Variants in PARP10 observed in about 807,000 individuals in gnomAD.
The protein encoded by PARP10 is poly(ADP-ribose) polymerase family member 10.
A neutral mutation model predicts 82.4 loss-of-function variants in PARP10; 56 were observed. That is an observed-to-expected ratio of 0.68 (90% CI 0.55 to 0.85). The LOEUF (loss-of-function observed/expected upper bound fraction) is 0.85, where lower values mean the gene tolerates loss of function less well. Ranked by LOEUF, PARP10 falls within the 40% of genes least tolerant of loss-of-function variation. The pLI is 0.00. For synonymous variants in PARP10, 576 were observed against 601.1 expected (o/e 0.96, Z 0.61); for missense variants, 1,227 against 1,379.4 (o/e 0.89, Z 1.75).
At chr8:144,000,442 A>G (rs1554751611) in intron 1 of PARP10, among the ~76,000 whole-genome samples, 2 of 152,208 alleles carry the variant, frequency 1.3e-5, no homozygotes, top group Non-Finnish European at 1.5e-5. Flanking sequence ...GGCCCTGCAG[A>G]CACCTTGATC....
chr8:144,001,671 A>C (rs1268491856), intron 1 of PARP10, among the ~76,000 whole-genome samples: 2 of 152,158 alleles, frequency 1.3e-5, no homozygotes, highest in Non-Finnish European at 2.9e-5. Context: ...ACGCCATTGC[A>C]CACCAGCCTG....
chr8:143,992,802 C>T (rs1554750821), upstream of PARP10: 8 of 1,613,710 alleles, frequency 5.0e-6, no homozygotes, highest in Admixed American at 3.3e-5. Flanking sequence ...TCAACATCTT[C>T]CTGTACATCC....
chr8:143,989,860 A>T (rs2133059691), upstream of PARP10: 1 of 152,396 alleles, frequency 6.6e-6, no homozygotes, highest in Non-Finnish European at 1.5e-5. This position sits in a 1 kb window ranked among gnomAD's most constrained non-coding sequence, Gnocchi z 4.3. Context: ...AATTGGCCAG[A>T]CCAGACTTCT....
Position 143,985,598 on chromosome 8 carries a change from AG to A in PARP10, c.486del (p.Leu163TrpfsTer79), listed in dbSNP as rs782603426. 1.2e-6 allele frequency: 2 copies of A among 1,613,934 alleles called. No individual in the cohort carries two copies. The highest frequency in any genetic ancestry group is 3.3e-5 in the Admixed American group (2 of 60,026). ...EQAQNLGLEG[T>X]LVSLARVPQA... ...TGGGGAACCCGGGCCAGGGACACCAAGGTCCCCTCCAGGCCCAGATTCTGGG... is the reference window on the plus strand; with the variant it reads ...TGGGGAACCCGGGCCAGGGACACCAAGTCCCCTCCAGGCCCAGATTCTGGG... On this transcript the variant is annotated frameshift_variant, in exon 4 of 11. Transcript: ENST00000313028. LOFTEE classifies it high-confidence loss of function.
chr8:143,986,132 C>T lies in PARP10; in HGVS notation c.104G>A (p.Arg35Gln), dbSNP rs373645844. ...ELLTLYFENR[R>Q]RSGGGPVLSW... ...CAACACAGGTCCCCCTCCAGAGCGTCGGCGGTTTTCAAAGTAGAGAGTGAG... is the reference window on the plus strand; with the variant it reads ...CAACACAGGTCCCCCTCCAGAGCGTTGGCGGTTTTCAAAGTAGAGAGTGAG... Residue 35 changes from arginine (R) to glutamine (Q), a missense_variant, in exon 2 of 11, where the codon CGA (arginine) becomes CAA (glutamine). Coordinates refer to ENST00000313028, the MANE Select transcript of PARP10 (RefSeq NM_032789.5). 2.0e-5 allele frequency: 32 copies of T among 1,613,894 alleles called. No homozygotes were observed. The highest frequency in any genetic ancestry group is 4.4e-5 in the South Asian group (4 of 91,080).
At chr8:143,989,180 T>TG (rs1294251142), upstream of PARP10, among the ~76,000 whole-genome samples, 1 of 152,146 alleles carries the variant, frequency 6.6e-6, no homozygotes, top group Non-Finnish European at 1.5e-5. The surrounding 1 kb of genome is among the most constrained non-coding windows in gnomAD (Gnocchi z 4.3). Context: ...GGAGGGCAGG[T>TG]GGGGTCTGGG....
In PARP10 at chr8:143,985,593, C is replaced by A; in HGVS notation, c.492G>T (p.Val164=). 6.2e-7 allele frequency: 1 copy of A among 1,614,000 alleles called. No homozygotes were observed. The highest frequency in any genetic ancestry group is 8.5e-7 in the Non-Finnish European group (1 of 1,179,994). ...AQNLGLEGTL[V]SLARVPQARA... ...GGGCCTGGGGAACCCGGGCCAGGGACACCAAGGTCCCCTCCAGGCCCAGAT... is the reference window on the plus strand; with the variant it reads ...GGGCCTGGGGAACCCGGGCCAGGGAAACCAAGGTCCCCTCCAGGCCCAGAT... The change falls in exon 4 of 11, where the codon GTG becomes GTT. Residue 164 remains valine, a synonymous_variant. Transcript: ENST00000313028.
rs1554748754 is a variant in PARP10 at position 143,984,735 on chromosome 8, A to G, written c.1267T>C (p.Ser423Pro). The G allele has an allele frequency of 1.9e-6, 3 of 1,612,884 alleles. No individual in the cohort carries two copies. In the South Asian group the frequency reaches 3.3e-5, roughly 18 times the overall value. ...LVGPMEITMGSLEKAGPVSPG... is the reference protein window; with the variant it reads ...LVGPMEITMGPLEKAGPVSPG... ...CTCACAGGCCCTGCCTTCTCCAGAG[A>G]CCCCATGGTGATCTCCATGGGACCC... Residue 423 changes from serine (S) to proline (P), a missense_variant, in exon 5 of 11, where the codon TCT becomes CCT. By Grantham distance (74) the Ser-to-Pro change is moderately conservative. Transcript: ENST00000313028.
intron 1 of PARP10, among the ~76,000 whole-genome samples, chr8:144,005,644 C>G (rs1360770900): frequency 2.6e-5 from 4 of 152,190 alleles, no homozygotes; most frequent in Non-Finnish European, 5.9e-5. Context: ...GTCCCCTCCC[C>G]ACAGTGGCTG....
At chr8:144,000,513 A>G (rs7829343) in intron 1 of PARP10, among the ~76,000 whole-genome samples, 67,452 of 152,014 alleles carry the variant, frequency 0.44, 16,027 homozygotes, top group African/African-American at 0.6. Flanking sequence ...TATTCTGTTT[A>G]TGGACTTTAC....
rs1426522127 is a variant in PARP10 at position 143,977,518 on chromosome 8, G to A, written c.3044C>T (p.Pro1015Leu). 3.9e-6 allele frequency: 6 copies of A among 1,558,144 alleles called. No individual in the cohort carries two copies. In the East Asian group the frequency reaches 1.2e-4, roughly 31 times the overall value. Residue 1015 changes from proline (P) to leucine (L), a missense_variant, in exon 11 of 11, where the codon CCC becomes CTC. By Grantham distance (98) the Pro-to-Leu change is moderately conservative (BLOSUM62 -3). Transcript: ENST00000313028. ...EHVPRASPDD[P>L]SGLPGRSPDT ...TGGGGAGCGGCCCGGGAGCCCAGAGGGGTCGTCGGGGGAAGCGCGGGGCAC... is the reference window on the plus strand; with the variant it reads ...TGGGGAGCGGCCCGGGAGCCCAGAGAGGTCGTCGGGGGAAGCGCGGGGCAC...
upstream of PARP10, among the ~76,000 whole-genome samples, chr8:143,988,335 A>G (rs1208327727): frequency 1.2e-4 from 17 of 137,992 alleles, no homozygotes; most frequent in African/African-American, 4.7e-4. Context: ...TTTTTAGCAG[A>G]GACAGGGTTT....
upstream of PARP10, among the ~76,000 whole-genome samples, chr8:143,993,862 C>G (rs1834139299): frequency 6.6e-6 from 1 of 152,228 alleles, no homozygotes; most frequent in East Asian, 1.9e-4. Context: ...CTCCAGCCTC[C>G]CCATGAGAAA....
At chr8:144,003,752 G>A (rs1477628412) in intron 1 of PARP10, among the ~76,000 whole-genome samples, 2 of 152,064 alleles carry the variant, frequency 1.3e-5, no homozygotes, top group Admixed American at 6.6e-5. Flanking sequence ...AGGGGCCGGC[G>A]CAGTGGCTCA....
chr8:143,983,671 C>G lies in PARP10; in HGVS notation c.1918G>C (p.Val640Leu). ...CTGGGTGCCACAGTGCTGGGGGCCA[C>G]AGGCTCCTCCTCCTCATGCCCTGGG... ...VTPGHEEEEP[V>L]APSTVAPRWL... Residue 640 changes from valine (V) to leucine (L), a missense_variant, in exon 8 of 11, where the codon GTG becomes CTG. By Grantham distance (32) the Val-to-Leu change is conservative. Transcript: ENST00000313028. 6.2e-7 allele frequency: 1 copy of G among 1,609,200 alleles called. No homozygotes were observed.
At chr8:143,997,689 T>C (rs1834173141) in intron 1 of PARP10, among the ~76,000 whole-genome samples, 1 of 151,688 alleles carries the variant, frequency 6.6e-6, no homozygotes, top group African/African-American at 2.4e-5. Flanking sequence ...GTCCCAGGAG[T>C]TGGGACCTGA....
Position 143,983,995 on chromosome 8 carries a change from C to G in PARP10, c.1777+13G>C, listed in dbSNP as rs1222336875. The stretch of plus-strand genomic sequence containing the variant: ...GGCCACAGGATGTGCTGAGGGCTCC[C>G]AGGGAGCCCTACCCAGGCTCACGTC... On this transcript the variant is annotated intron_variant, in intron 7 of 10. Transcript: ENST00000313028. The G allele has an allele frequency of 1.8e-5, 27 of 1,510,092 alleles. No homozygotes were observed. Among genetic ancestry groups the G allele is most frequent in the Non-Finnish European group, 2.4e-5 (27 of 1,129,204 alleles). The allele number at this position is 1,510,092 out of a possible 1,614,324, so 93.5% of individuals were successfully genotyped here.
chr8:144,005,178 C>CA (rs797022778), intron 1 of PARP10, among the ~76,000 whole-genome samples: 5,499 of 90,242 alleles, frequency 0.061, 391 homozygotes, highest in African/African-American at 0.2. Flanking sequence ...GACTCAGTCT[C>CA]AAAAAAAAAA....
At chr8:143,992,177 G>A (rs1554750642), upstream of PARP10, 1 of 1,602,278 alleles carries the variant, frequency 6.2e-7, no homozygotes, top group South Asian at 1.1e-5. Context: ...TTGTGCTCAT[G>A]AGGCAGGGGC....
Sources: gnomAD v4.1 joint callset for allele counts (sites outside exome capture counted in the v4.1 genomes callset) on GRCh38, gnomAD v4.1.1 for gene constraint, Gnocchi (gnomAD v3.1) non-coding constraint, MANE v1.5 for transcripts, NCBI Gene and HGNC (gene_info 2026-07-23, HGNC 2026-07-21) for gene names.